Variants in VAT1L observed in about 807,000 individuals in gnomAD.
The protein encoded by VAT1L is vesicle amine transport 1 like.
VAT1L carries 34 observed loss-of-function variants against 44.1 expected under a neutral mutation model. The ratio of observed to expected loss-of-function variants is 0.77; its 90% confidence interval spans 0.59 to 1.03. The LOEUF (loss-of-function observed/expected upper bound fraction) is 1.03, where lower values mean the gene tolerates loss of function less well. Among genes scored for constraint, VAT1L ranks in the 50% least tolerant of loss-of-function variants. The pLI is 0.00. For synonymous variants in VAT1L, 253 were observed against 202.2 expected (o/e 1.25, Z -2.13); for missense variants, 615 against 538.8 (o/e 1.14, Z -1.40).
At chr16:77,819,979 C>T (rs1049543292) in intron 2 of VAT1L, among the ~76,000 whole-genome samples, 3 of 152,186 alleles carry the variant, frequency 2.0e-5, no homozygotes, top group African/African-American at 7.2e-5. Context: ...CATAAAGACC[C>T]TTTACTAATA....
At chr16:77,929,133 G>C (rs2017701073) in intron 7 of VAT1L, among the ~76,000 whole-genome samples, 1 of 152,090 alleles carries the variant, frequency 6.6e-6, no homozygotes, top group Non-Finnish European at 1.5e-5. Context: ...TTTTTATGCT[G>C]TGTGATACTG....
At chr16:77,833,303 A>G (rs2016600770) in intron 3 of VAT1L, among the ~76,000 whole-genome samples, 1 of 152,228 alleles carries the variant, frequency 6.6e-6, no homozygotes, top group Non-Finnish European at 1.5e-5. Flanking sequence ...GGGAGATACA[A>G]GGTGATATGA....
At position 77,932,102 on chromosome 16, in the gene VAT1L, ATTTT is replaced by A. The variant is rs33928206; in HGVS notation, c.1078-39732_1078-39729del. Among the ~76,000 whole-genome samples the A allele has an allele frequency of 8.3e-4, 105 of 126,604 alleles. 1 individual carries two copies. Among genetic ancestry groups the A allele is most frequent in the African/African-American group, 3.0e-3 (103 of 33,832 alleles). The allele number at this position is 126,604 out of a possible 152,430, so 83.1% of individuals were successfully genotyped here. A position where few individuals can be genotyped will look rare whatever the true frequency, so the allele number is the denominator to read the frequency against. ...CATTATATAAGCCTGAAATACAGTA[ATTTT>A]TTTTTTTTTTTTTTTGAGATGGAGT... On this transcript the variant is annotated intron_variant, in intron 7 of 8. Transcript: ENST00000302536.
intron 1 of VAT1L, among the ~76,000 whole-genome samples, chr16:77,796,564 C>T (rs1336221219): frequency 1.3e-5 from 2 of 152,190 alleles, no homozygotes; most frequent in African/African-American, 4.8e-5. Flanking sequence ...TTATCTACTT[C>T]CTCACTTTGT....
intron 4 of VAT1L, among the ~76,000 whole-genome samples, chr16:77,875,315 GACACAGGACCCAGCTGTTA>G (rs2017076585): frequency 6.6e-6 from 1 of 152,242 alleles, no homozygotes; most frequent in African/African-American, 2.4e-5. Context: ...TGAAACTGTG[GACACAGGACCCAGCTGTTA>G]ACACATGCTG....
At chr16:77,849,350 T>C (rs1030363773) in intron 3 of VAT1L, among the ~76,000 whole-genome samples, 3 of 152,000 alleles carry the variant, frequency 2.0e-5, no homozygotes, top group African/African-American at 4.8e-5. Flanking sequence ...GAGGGGAAAA[T>C]GTGAAGAAAT....
intron 8 of VAT1L, among the ~76,000 whole-genome samples, chr16:77,974,012 C>T (rs2008693): frequency 0.014 from 2,162 of 152,264 alleles, 55 homozygotes; most frequent in African/African-American, 0.049. Context: ...CCACCGCACC[C>T]GGCCAGGAGT....
chr16:77,857,189 G>A (rs1055328994), intron 3 of VAT1L, among the ~76,000 whole-genome samples: 6 of 152,186 alleles, frequency 3.9e-5, no homozygotes, highest in Non-Finnish European at 7.4e-5. Flanking sequence ...TGCAGTGACT[G>A]GGAGAATGGA....
intron 7 of VAT1L, chr16:77,892,761 T>G: frequency 1.3e-6 from 1 of 765,432 alleles, no homozygotes; most frequent in Non-Finnish European, 2.4e-6. Context: ...TAGTTTTTCA[T>G]CTGTACTGCC....
At chr16:77,912,612 T>C (rs933275860) in intron 7 of VAT1L, among the ~76,000 whole-genome samples, 9 of 152,184 alleles carry the variant, frequency 5.9e-5, no homozygotes, top group Admixed American at 5.2e-4. Context: ...AAACATAGCA[T>C]CCAATTTCAA....
intron 7 of VAT1L, among the ~76,000 whole-genome samples, chr16:77,938,198 C>T (rs775003292): frequency 9.2e-5 from 14 of 152,144 alleles, no homozygotes; most frequent in Non-Finnish European, 1.6e-4. Context: ...CCATAGTGGC[C>T]CTAATGCACA....
intron 3 of VAT1L, among the ~76,000 whole-genome samples, chr16:77,846,565 C>G (rs538342473): frequency 6.6e-6 from 1 of 152,152 alleles, no homozygotes; most frequent in African/African-American, 2.4e-5. Context: ...CAGCAATGAG[C>G]TAGACACAAA....
At position 77,951,967 on chromosome 16, in the gene VAT1L, G is replaced by C. The variant is rs755439269; in HGVS notation, c.1078-19883G>C. 5.7e-4 allele frequency among the ~76,000 whole-genome samples: 87 copies of C among 152,270 alleles called. No homozygotes were observed. The Middle Eastern group carries it at 0.014, about 24-fold the overall frequency. On this transcript the variant is annotated intron_variant, in intron 7 of 8. Transcript: ENST00000302536. The stretch of plus-strand genomic sequence containing the variant: ...AGAGAATTTTTGAGCACTAGGGGGA[G>C]ATAGTGGCAAAGTCCTAAAGGACGT...
At chr16:77,942,712 C>T (rs114245072) in intron 7 of VAT1L, among the ~76,000 whole-genome samples, 1 of 152,190 alleles carries the variant, frequency 6.6e-6, no homozygotes, top group African/African-American at 2.4e-5. Context: ...TCAGTAACCA[C>T]CCTGTTTTTT....
At chr16:77,839,090 AG>A (rs1161910780) in intron 3 of VAT1L, among the ~76,000 whole-genome samples, 1 of 152,106 alleles carries the variant, frequency 6.6e-6, no homozygotes, top group African/African-American at 2.4e-5. Flanking sequence ...GAGGAGTAAA[AG>A]CTGCCGCAGA....
At position 77,865,056 on chromosome 16, in the gene VAT1L, C is replaced by G. The variant is rs2016958365; in HGVS notation, c.722+2166C>G. ...TGGTGCAATCTCGGCTCATTGCAAG[C>G]TCCACCTCCTGGGTTCACGCCATTC... On this transcript the variant is annotated intron_variant, in intron 4 of 8. Coordinates refer to ENST00000302536, the MANE Select transcript of VAT1L (RefSeq NM_020927.3). Among the ~76,000 whole-genome samples the G allele has an allele frequency of 3.4e-5, 5 of 148,028 alleles. No individual in the cohort carries two copies. In the South Asian group the frequency reaches 1.1e-3, roughly 32 times the overall value.
chr16:77,968,843 C>T (rs1597126568), intron 7 of VAT1L, among the ~76,000 whole-genome samples: 1 of 151,824 alleles, frequency 6.6e-6, no homozygotes, highest in Admixed American at 6.6e-5. Context: ...TTTTTAAAGA[C>T]AGTCTCGCTC....
At chr16:77,912,733 G>C (rs1208403410) in intron 7 of VAT1L, among the ~76,000 whole-genome samples, 1 of 151,988 alleles carries the variant, frequency 6.6e-6, no homozygotes, top group Admixed American at 6.5e-5. Flanking sequence ...CAAGATGCTT[G>C]AACAAAAAAA....
chr16:77,814,994 G>A (rs1276890853), intron 1 of VAT1L, among the ~76,000 whole-genome samples: 1 of 152,190 alleles, frequency 6.6e-6, no homozygotes, highest in African/African-American at 2.4e-5. Flanking sequence ...TGACAGCCCT[G>A]TGAAGTAGGT....
Sources: gnomAD v4.1 joint callset for allele counts (sites outside exome capture counted in the v4.1 genomes callset) on GRCh38, gnomAD v4.1.1 for gene constraint, MANE v1.5 for transcripts, NCBI Gene and HGNC (gene_info 2026-07-23, HGNC 2026-07-21) for gene names.